KCND3: variants seen among roughly 807,000 people sequenced by gnomAD.
KCND3 encodes the protein potassium voltage-gated channel subfamily D member 3, also known as A-type voltage-gated potassium channel KCND3.
Under a neutral mutation model 51.1 loss-of-function variants are expected in KCND3, and 9 were observed. That is an observed-to-expected ratio of 0.18 (90% CI 0.11 to 0.31). The LOEUF (loss-of-function observed/expected upper bound fraction) is 0.31. Ranked by LOEUF, KCND3 falls within the 10% of genes least tolerant of loss-of-function variation. The probability of loss-of-function intolerance (pLI) is 1.00; values close to 1 mark genes in which losing one functional copy is unlikely to be tolerated. For missense variants in KCND3, 526 were observed against 903.8 expected (o/e 0.58, Z 5.36); for synonymous variants, 349 against 368.0 (o/e 0.95, Z 0.59).
At chr1:111,917,456 T>A (rs1023260943) in intron 2 of KCND3, among the ~76,000 whole-genome samples, 3 of 152,182 alleles carry the variant, frequency 2.0e-5, no homozygotes, top group African/African-American at 7.2e-5. Context: ...TCACTATTAT[T>A]GTTAATTCAA....
At chr1:111,791,992 C>T (rs1040450306) in intron 2 of KCND3, among the ~76,000 whole-genome samples, 4 of 152,142 alleles carry the variant, frequency 2.6e-5, no homozygotes, top group Admixed American at 6.5e-5. Flanking sequence ...GAGTGGGTGT[C>T]GTACTCTGCT....
chr1:111,911,119 G>A (rs943346661), intron 2 of KCND3, among the ~76,000 whole-genome samples: 1 of 152,158 alleles, frequency 6.6e-6, no homozygotes. Flanking sequence ...CCCTGACTCT[G>A]ACTAAGATGG....
At chr1:111,986,008 C>T (rs1675258901) in intron 1 of KCND3, among the ~76,000 whole-genome samples, 1 of 152,210 alleles carries the variant, frequency 6.6e-6, no homozygotes, top group Non-Finnish European at 1.5e-5. Flanking sequence ...GAGTCAGGAA[C>T]ACATCCTGCA....
chr1:111,871,071 G>T (rs920750536), intron 2 of KCND3, among the ~76,000 whole-genome samples: 2 of 152,176 alleles, frequency 1.3e-5, no homozygotes, highest in Admixed American at 6.5e-5. Context: ...AGGAATGGGG[G>T]CATATGTGAG....
At chr1:111,838,468 C>T (rs1367959362) in intron 2 of KCND3, among the ~76,000 whole-genome samples, 2 of 151,902 alleles carry the variant, frequency 1.3e-5, no homozygotes, top group East Asian at 1.9e-4. Flanking sequence ...CCAGCCTGGC[C>T]GACATAGTGA....
At chr1:111,942,291 G>A (rs180700545) in intron 2 of KCND3, among the ~76,000 whole-genome samples, 4 of 152,156 alleles carry the variant, frequency 2.6e-5, no homozygotes, top group Admixed American at 6.5e-5. Flanking sequence ...ACAATCCCCC[G>A]TCCCTGTGGG....
At chr1:111,911,692 G>A (rs2101816139) in intron 2 of KCND3, among the ~76,000 whole-genome samples, 1 of 152,246 alleles carries the variant, frequency 6.6e-6, no homozygotes, top group East Asian at 1.9e-4. Flanking sequence ...CTAAAATAAG[G>A]ATAATGCAAG....
chr1:111,894,083 G>C (rs1669984506), intron 2 of KCND3, among the ~76,000 whole-genome samples: 1 of 152,170 alleles, frequency 6.6e-6, no homozygotes, highest in East Asian at 1.9e-4. Flanking sequence ...ACAGTCTCTA[G>C]TGGCTTTCCA....
Position 111,921,649 on chromosome 1 carries a change from T to C in KCND3, c.1106+59972A>G, listed in dbSNP as rs562423461. On this transcript the variant is annotated intron_variant, in intron 2 of 7. Coordinates refer to ENST00000302127, the MANE Select transcript of KCND3 (RefSeq NM_001378969.1). ...CCTTTAGGTCTCCCACAGGCTGAAC[T>C]CAACTGGATGCCAGGCACAAGGGAG... is the stretch of plus-strand genomic sequence containing the variant. Among the ~76,000 whole-genome samples the C allele has an allele frequency of 2.4e-4, 36 of 152,180 alleles. 1 individual carries two copies. The highest frequency in any genetic ancestry group is 1.6e-4 in the Non-Finnish European group (11 of 68,026).
At chr1:111,776,865 T>A (rs916805066) in intron 7 of KCND3, among the ~76,000 whole-genome samples, 161 bp downstream of exon 7, 2 of 152,092 alleles carry the variant, frequency 1.3e-5, no homozygotes, top group Admixed American at 6.5e-5. Context: ...ATGAAGGGCC[T>A]TTGGGTTTCC....
At chr1:111,930,986 G>T (rs933592505) in intron 2 of KCND3, among the ~76,000 whole-genome samples, 1 of 152,140 alleles carries the variant, frequency 6.6e-6, no homozygotes, top group African/African-American at 2.4e-5. Flanking sequence ...CCCATCCCAC[G>T]ACACCCCTGT....
chr1:111,805,638 T>C (rs2101558773), intron 2 of KCND3, among the ~76,000 whole-genome samples: 1 of 152,324 alleles, frequency 6.6e-6, no homozygotes, highest in Non-Finnish European at 1.5e-5. Flanking sequence ...CCTTAAACTT[T>C]AGGGAAAAAC....
At chr1:111,973,896 G>A (rs192653452) in intron 2 of KCND3, among the ~76,000 whole-genome samples, 4 of 152,292 alleles carry the variant, frequency 2.6e-5, no homozygotes, top group East Asian at 3.9e-4. Context: ...CAAAGGAGGC[G>A]TCCCCAGCCT....
At chr1:111,880,587 G>A (rs1243560946) in intron 2 of KCND3, among the ~76,000 whole-genome samples, 4 of 152,190 alleles carry the variant, frequency 2.6e-5, no homozygotes, top group African/African-American at 7.2e-5. Flanking sequence ...GACTTCTTTG[G>A]TAGTACCATA....
intron 2 of KCND3, among the ~76,000 whole-genome samples, chr1:111,928,112 T>G (rs919479119): frequency 6.6e-6 from 1 of 152,122 alleles, no homozygotes; most frequent in African/African-American, 2.4e-5. Flanking sequence ...TTAGCTAACG[T>G]ATCTCTAGGT....
At position 111,790,396 on chromosome 1, in the gene KCND3, C is replaced by T. The variant is rs1023049944; in HGVS notation, c.1107-3290G>A. 3.3e-5 allele frequency among the ~76,000 whole-genome samples: 5 copies of T among 152,292 alleles called. No individual in the cohort carries two copies. The East Asian group carries it at 7.7e-4, about 23-fold the overall frequency. The stretch of plus-strand genomic sequence containing the variant: ...TGGGCACCTATTTTGTCTGCTGACA[C>T]CCCAATAGGAACTGTGTCCCTCTTT... On this transcript the variant is annotated intron_variant, in intron 2 of 7. Transcript: ENST00000302127.
At chr1:111,818,836 G>A (rs1439812452) in intron 2 of KCND3, among the ~76,000 whole-genome samples, 2 of 152,132 alleles carry the variant, frequency 1.3e-5, no homozygotes, top group African/African-American at 4.8e-5. Context: ...GGGAGATCCT[G>A]GGGCTGGTCC....
intron 2 of KCND3, among the ~76,000 whole-genome samples, chr1:111,935,640 A>T (rs1672183482): frequency 6.6e-6 from 1 of 152,154 alleles, no homozygotes; most frequent in South Asian, 2.1e-4. Flanking sequence ...TTTGCTGAAC[A>T]CTCAAGTGTG....
rs573940938 is a variant in KCND3 at position 111,875,907 on chromosome 1, C to T, written c.1107-88801G>A. On this transcript the variant is annotated intron_variant, in intron 2 of 7. Coordinates refer to ENST00000302127, the MANE Select transcript of KCND3 (RefSeq NM_001378969.1). ...TCTCAGCTTTGAAGTTCCTCACAGC[C>T]CCATTCAACATGAAATTGTGGCTGA... Among the ~76,000 whole-genome samples the T allele has an allele frequency of 7.2e-5, 11 of 152,308 alleles. No homozygotes were observed. In the South Asian group the frequency reaches 2.3e-3, roughly 32 times the overall value.
Sources: allele counts gnomAD v4.1 joint callset (sites outside exome capture counted in the v4.1 genomes callset), GRCh38; gene constraint gnomAD v4.1.1; transcripts MANE v1.5; gene names NCBI Gene and HGNC (gene_info 2026-07-23, HGNC 2026-07-21).